Variants in CCL28 observed in about 807,000 individuals in gnomAD.
The protein encoded by CCL28 is C-C motif chemokine 28.
A neutral mutation model predicts 7.1 loss-of-function variants in CCL28; 4 were observed. That is an observed-to-expected ratio of 0.56 (90% CI 0.28 to 1.29). CCL28 has a LOEUF of 1.29. CCL28 is among the 50% of genes most tolerant of loss of function. The probability of loss-of-function intolerance (pLI) is 0.11; values close to 1 mark genes in which losing one functional copy is unlikely to be tolerated. For missense variants in CCL28, 151 were observed against 163.4 expected (o/e 0.92, Z 0.41); for synonymous variants, 55 against 57.8 (o/e 0.95, Z 0.22).
At chr5:43,383,549 A>T (rs1387416847) in intron 2 of CCL28, among the ~76,000 whole-genome samples, 1 of 152,172 alleles carries the variant, frequency 6.6e-6, no homozygotes, top group African/African-American at 2.4e-5. Flanking sequence ...TAAGAGAATA[A>T]TATATTCCCT....
the CCL28 span, among the ~76,000 whole-genome samples, chr5:43,363,228 A>G: frequency 1.3e-5 from 2 of 152,128 alleles, no homozygotes; most frequent in African/African-American, 4.8e-5. Context: ...CCACAGTGTT[A>G]TGTTACTGAA....
chr5:43,363,415 C>A, the CCL28 span, among the ~76,000 whole-genome samples: 1 of 152,156 alleles, frequency 6.6e-6, no homozygotes, highest in Non-Finnish European at 1.5e-5. Context: ...CCTTACTGGA[C>A]CAGACACACA....
At chr5:43,360,820 C>A in the CCL28 span, among the ~76,000 whole-genome samples, 8 of 152,042 alleles carry the variant, frequency 5.3e-5, no homozygotes, top group South Asian at 2.1e-4. Context: ...GGATATGAGA[C>A]CTTTTTTTCT....
Position 43,381,783 on chromosome 5 carries a change from T to A in CCL28, c.*77A>T, listed in dbSNP as rs1740125415. 8.3e-7 allele frequency: 1 copy of A among 1,210,808 alleles called. No individual in the cohort carries two copies. Among genetic ancestry groups the A allele is most frequent in the Admixed American group, 2.1e-5 (1 of 46,938 alleles). The allele number at this position is 1,210,808 out of a possible 1,614,324, so 75.0% of individuals were successfully genotyped here. A position where few individuals can be genotyped will look rare whatever the true frequency, so the allele number is the denominator to read the frequency against. ...GTTCTGTTGTCTACAATAAGGAGAA[T>A]TCAGATGATAAACTTACAACCAATC... On this transcript the variant is annotated 3_prime_UTR_variant, in exon 3 of 3. Coordinates refer to ENST00000361115, the MANE Select transcript of CCL28 (RefSeq NM_148672.3).
chr5:43,390,685 G>C (rs1428273267), intron 1 of CCL28, among the ~76,000 whole-genome samples: 8 of 152,174 alleles, frequency 5.3e-5, no homozygotes, highest in African/African-American at 1.9e-4. Flanking sequence ...TGGGAGTAAG[G>C]GTTCTGATTA....
intron 1 of CCL28, among the ~76,000 whole-genome samples, chr5:43,405,184 C>A (rs779132047): frequency 5.3e-5 from 8 of 152,194 alleles, no homozygotes; most frequent in Non-Finnish European, 8.8e-5. Context: ...ACTCTCCACC[C>A]CAAATCAACA....
chr5:43,394,684 T>G (rs902524581), intron 1 of CCL28, among the ~76,000 whole-genome samples: 2 of 152,156 alleles, frequency 1.3e-5, no homozygotes, highest in Non-Finnish European at 2.9e-5. Context: ...TTTTAATAGT[T>G]TGGAGTAGAT....
At chr5:43,357,751 T>G in the CCL28 span, among the ~76,000 whole-genome samples, 2 of 152,028 alleles carry the variant, frequency 1.3e-5, no homozygotes, top group Non-Finnish European at 2.9e-5. Context: ...AAATCCAATC[T>G]AAATCAATGA....
At chr5:43,390,167 G>C (rs1262960777) in intron 1 of CCL28, among the ~76,000 whole-genome samples, 1 of 152,158 alleles carries the variant, frequency 6.6e-6, no homozygotes, top group Non-Finnish European at 1.5e-5. Flanking sequence ...AGAGGTTGTT[G>C]GGGAGGCAAG....
chr5:43,358,305 C>A, the CCL28 span, among the ~76,000 whole-genome samples: 1 of 152,076 alleles, frequency 6.6e-6, no homozygotes, highest in African/African-American at 2.4e-5. Flanking sequence ...TTGCCATGAG[C>A]TGAACAGAGG....
chr5:43,399,435 A>G (rs1486646818), intron 1 of CCL28, among the ~76,000 whole-genome samples: 2 of 152,170 alleles, frequency 1.3e-5, no homozygotes, highest in African/African-American at 2.4e-5. Flanking sequence ...TTTACCATGT[A>G]TGACATTAAG....
chr5:43,385,708 A>C (rs904048471), intron 2 of CCL28, among the ~76,000 whole-genome samples: 1 of 152,228 alleles, frequency 6.6e-6, no homozygotes, highest in African/African-American at 2.4e-5. Context: ...TGTATTTTTC[A>C]GCTTTCTTAG....
At chr5:43,363,112 T>C in the CCL28 span, among the ~76,000 whole-genome samples, 1 of 152,206 alleles carries the variant, frequency 6.6e-6, no homozygotes, top group Non-Finnish European at 1.5e-5. Context: ...GTCCTCCACC[T>C]GATAGTCCAA....
the CCL28 span, among the ~76,000 whole-genome samples, chr5:43,367,295 G>C: frequency 0.057 from 8,610 of 152,268 alleles, 526 homozygotes; most frequent in African/African-American, 0.16. Context: ...AAAATCTCCT[G>C]CAGCTAGCTT....
chr5:43,383,539 T>C lies in CCL28; in HGVS notation c.192-1487A>G, dbSNP rs577258666. Among the ~76,000 whole-genome samples the C allele has an allele frequency of 1.7e-4, 26 of 152,224 alleles. 1 individual carries two copies. The highest frequency in any genetic ancestry group is 6.8e-3 in the Middle Eastern group (2 of 294). On this transcript the variant is annotated intron_variant, in intron 2 of 2. Coordinates refer to ENST00000361115, the MANE Select transcript of CCL28 (RefSeq NM_148672.3). The stretch of plus-strand genomic sequence containing the variant: ...ATTTGAAAGAAGTGGAGCATCTTAA[T>C]AAGAGAATAATATATTCCCTATGTG...
chr5:43,411,987 A>G (rs1410660987), intron 1 of CCL28, among the ~76,000 whole-genome samples: 2 of 152,206 alleles, frequency 1.3e-5, no homozygotes, highest in Non-Finnish European at 2.9e-5. Context: ...AAGGAAACAT[A>G]GCTCGAAGTT....
Position 43,381,808 on chromosome 5 carries a change from C to T in CCL28, c.*52G>A. On this transcript the variant is annotated 3_prime_UTR_variant, in exon 3 of 3. Coordinates refer to ENST00000361115, the MANE Select transcript of CCL28 (RefSeq NM_148672.3). ...TTCAGATGATAAACTTACAACCAAT[C>T]ATGGCCAAGTCCACTTGAGGAATTG... The T allele has an allele frequency of 6.9e-7, 1 of 1,443,152 alleles. No homozygotes were observed. Among genetic ancestry groups the T allele is most frequent in the Admixed American group, 1.9e-5 (1 of 52,510 alleles). 89.4% of individuals were successfully genotyped at this position (1,443,152 alleles called of 1,614,324 possible). A position where few individuals can be genotyped will look rare whatever the true frequency, so the allele number is the denominator to read the frequency against.
chr5:43,373,387 GC>G (rs746200321), downstream of CCL28, among the ~76,000 whole-genome samples: 20 of 151,914 alleles, frequency 1.3e-4, no homozygotes, highest in Middle Eastern at 0.01. Context: ...TGCAACCTCC[GC>G]CTCCCTGGTT....
At chr5:43,367,047 C>G in the CCL28 span, among the ~76,000 whole-genome samples, 1 of 151,780 alleles carries the variant, frequency 6.6e-6, no homozygotes, top group East Asian at 1.9e-4. Context: ...GTTTGCATGC[C>G]CACTCAGGCC....
Sources: allele counts gnomAD v4.1 joint callset (sites outside exome capture counted in the v4.1 genomes callset), GRCh38; gene constraint gnomAD v4.1.1; transcripts MANE v1.5; gene names NCBI Gene and HGNC (gene_info 2026-07-23, HGNC 2026-07-21).